The following STRN variants were observed in gnomAD, a reference collection of about 807,000 sequenced individuals.
STRN encodes the protein striatin, also known as protein phosphatase 2 regulatory subunit B'''alpha.
In STRN, 53 loss-of-function variants were observed where a neutral mutation model predicts 96.3. The ratio of observed to expected loss-of-function variants is 0.55; its 90% CI spans 0.44 to 0.69. The LOEUF (loss-of-function observed/expected upper bound fraction) is 0.69. Ranked by LOEUF, STRN falls within the 30% of genes least tolerant of loss-of-function variation. The probability of loss-of-function intolerance (pLI) is 0.00; values close to 1 mark genes in which losing one functional copy is unlikely to be tolerated. For synonymous variants in STRN, 428 were observed against 355.9 expected (o/e 1.20, Z -2.28); for missense variants, 987 against 963.9 (o/e 1.02, Z -0.32).
intron 1 of STRN, among the ~76,000 whole-genome samples, chr2:36,945,512 A>G (rs141944831): frequency 6.6e-6 from 1 of 152,142 alleles, no homozygotes; most frequent in African/African-American, 2.4e-5. Flanking sequence ...CTAAAAATAC[A>G]AAAAATTAGC....
chr2:36,922,630 C>T (rs13382481), intron 2 of STRN, among the ~76,000 whole-genome samples: 2,771 of 150,500 alleles, frequency 0.018, 41 homozygotes, highest in Non-Finnish European at 0.024. Flanking sequence ...GCCCCCTCTA[C>T]CATTATCCGT....
At chr2:36,897,922 C>T (rs1398860002) in intron 6 of STRN, among the ~76,000 whole-genome samples, 1 of 151,914 alleles carries the variant, frequency 6.6e-6, no homozygotes, top group African/African-American at 2.4e-5. Flanking sequence ...AACTCCTGGC[C>T]TCAAGTGATC....
chr2:36,891,516 C>G (rs144748914), intron 7 of STRN, among the ~76,000 whole-genome samples: 4,209 of 129,180 alleles, frequency 0.033, 73 homozygotes, highest in Non-Finnish European at 0.052. Flanking sequence ...CAGAGTGAGA[C>G]TCTGTCAAAA....
chr2:36,960,968 C>T (rs188721182), intron 1 of STRN, among the ~76,000 whole-genome samples: 75 of 152,116 alleles, frequency 4.9e-4, no homozygotes, highest in East Asian at 1.7e-3. Flanking sequence ...ATGATCATAA[C>T]GCAGTGCAGC....
chr2:36,924,750 C>A (rs1020479052), intron 2 of STRN, among the ~76,000 whole-genome samples: 1 of 152,104 alleles, frequency 6.6e-6, no homozygotes, highest in Non-Finnish European at 1.5e-5. Flanking sequence ...AAAAATTATT[C>A]CAACATTTAA....
At chr2:36,893,113 T>C (rs1362141762) in intron 7 of STRN, among the ~76,000 whole-genome samples, 1 of 151,530 alleles carries the variant, frequency 6.6e-6, no homozygotes, top group Non-Finnish European at 1.5e-5. Flanking sequence ...AGAAAAACAA[T>C]GAAAACTTTC....
At chr2:36,892,933 T>G (rs560872005) in intron 7 of STRN, among the ~76,000 whole-genome samples, 1 of 151,934 alleles carries the variant, frequency 6.6e-6, no homozygotes, top group Non-Finnish European at 1.5e-5. Context: ...GGCATGAGAA[T>G]TGCTTGAACC....
intron 1 of STRN, among the ~76,000 whole-genome samples, chr2:36,955,074 T>C (rs1399768601): frequency 6.6e-6 from 1 of 152,342 alleles, no homozygotes; most frequent in East Asian, 1.9e-4. Context: ...ATTTAAATTA[T>C]GACAGCTATT....
intron 1 of STRN, among the ~76,000 whole-genome samples, chr2:36,941,509 C>A (rs968500038): frequency 4.0e-5 from 6 of 151,840 alleles, no homozygotes; most frequent in South Asian, 2.1e-4. Flanking sequence ...TCAAGATGAA[C>A]AGAATCATGG....
At chr2:36,882,097 C>G (rs1023601378) in intron 9 of STRN, among the ~76,000 whole-genome samples, 1 of 151,734 alleles carries the variant, frequency 6.6e-6, no homozygotes, top group Non-Finnish European at 1.5e-5. Flanking sequence ...ATGTACTGGT[C>G]AAAAATTTCA....
At chr2:36,868,752 T>C (rs41486347) in intron 11 of STRN, among the ~76,000 whole-genome samples, 6,228 of 152,244 alleles carry the variant, frequency 0.041, 197 homozygotes, top group East Asian at 0.13. Context: ...AGCCAGGCAA[T>C]AGATTTCCTC....
intron 1 of STRN, 141 bp downstream of exon 1, chr2:36,966,089 G>A (rs1665151855): frequency 4.2e-6 from 4 of 958,740 alleles, no homozygotes; most frequent in Non-Finnish European, 4.3e-6. Flanking sequence ...AGAGAAGAAG[G>A]GGACGGGGCT....
At chr2:36,928,310 A>G (rs114158835) in intron 1 of STRN, among the ~76,000 whole-genome samples, 1 of 152,172 alleles carries the variant, frequency 6.6e-6, no homozygotes, top group Non-Finnish European at 1.5e-5. Context: ...TAAAAGACGA[A>G]AACAGCAAAA....
intron 4 of STRN, 123 bp from the exon 5 acceptor site, chr2:36,902,874 C>A (rs1402094919): frequency 4.4e-6 from 3 of 674,440 alleles, no homozygotes; most frequent in Non-Finnish European, 6.6e-6. Context: ...CAGTACTATG[C>A]TAGTAAGACT....
intron 1 of STRN, among the ~76,000 whole-genome samples, chr2:36,927,278 C>T (rs112492943): frequency 2.6e-5 from 4 of 152,100 alleles, no homozygotes; most frequent in East Asian, 3.9e-4. Context: ...GAGGCCGAGG[C>T]GGGTGGATAA....
intron 1 of STRN, among the ~76,000 whole-genome samples, chr2:36,925,483 A>G (rs1420447981): frequency 1.3e-5 from 2 of 152,074 alleles, no homozygotes; most frequent in Non-Finnish European, 2.9e-5. Context: ...TACAATATAA[A>G]ACAACTAATA....
In STRN at chr2:36,840,561, T is replaced by C. The variant is rs987345669; in HGVS notation, c.*8895A>G. ...AGATTTTTTTTTTTTTTTTTTGGTC[T>C]TTGATGATTTGTATAATTTAGATTT... On this transcript the variant is annotated 3_prime_UTR_variant, in exon 18 of 18. Coordinates refer to ENST00000263918, the MANE Select transcript of STRN (RefSeq NM_003162.4). 8.6e-5 allele frequency: 13 copies of C among 151,596 alleles called. No homozygotes were observed. The highest frequency in any genetic ancestry group is 3.2e-4 in the African/African-American group (13 of 41,178). 9.4% of individuals were successfully genotyped at this position (151,596 alleles called of 1,614,324 possible).
chr2:36,867,230 T>C (rs373727094), intron 12 of STRN, among the ~76,000 whole-genome samples: 76 of 152,124 alleles, frequency 5.0e-4, no homozygotes, highest in African/African-American at 1.7e-3. Flanking sequence ...TCCTACCACT[T>C]TGGGAGGCTG....
At chr2:36,922,639 GTCA>G (rs146909201) in intron 2 of STRN, among the ~76,000 whole-genome samples, 7,784 of 151,424 alleles carry the variant, frequency 0.051, 663 homozygotes, top group African/African-American at 0.18. Context: ...ACCATTATCC[GTCA>G]TCAACTGAGA....
Sources: gnomAD v4.1 joint callset for allele counts (sites outside exome capture counted in the v4.1 genomes callset) on GRCh38, gnomAD v4.1.1 for gene constraint, MANE v1.5 for transcripts, NCBI Gene and HGNC (gene_info 2026-07-23, HGNC 2026-07-21) for gene names.